AFF3: variants seen among roughly 807,000 people sequenced by gnomAD.
AFF3 encodes AF4/FMR2 family member 3.
AFF3 carries 32 observed loss-of-function variants against 129.7 expected under a neutral mutation model. The observed-to-expected ratio is 0.25, with a 90% confidence interval of 0.19 to 0.33. AFF3 has a LOEUF of 0.33. Among genes scored for constraint, AFF3 ranks in the 10% least tolerant of loss-of-function variants. The pLI is 1.00. For missense variants in AFF3, 1,373 were observed against 1,592.0 expected, an observed-to-expected ratio of 0.86 and a Z score of 2.34; for synonymous variants, 644 against 635.4, an observed-to-expected ratio of 1.01 and a Z score of -0.20.
chr2:99,890,244 C>G (rs1209367581), intron 7 of AFF3, among the ~76,000 whole-genome samples: 1 of 152,144 alleles, frequency 6.6e-6, no homozygotes, highest in Non-Finnish European at 1.5e-5. Flanking sequence ...GAGGCAGCAG[C>G]AAGGGAAATG....
intron 7 of AFF3, among the ~76,000 whole-genome samples, chr2:99,924,356 C>T (rs1696075490): frequency 6.6e-6 from 1 of 152,202 alleles, no homozygotes; most frequent in South Asian, 2.1e-4. Context: ...CCATCAGCTC[C>T]TTTGAGCTGT....
chr2:99,634,931 G>A (rs1246401199), intron 13 of AFF3, among the ~76,000 whole-genome samples: 2 of 149,696 alleles, frequency 1.3e-5, no homozygotes, highest in East Asian at 2.0e-4. Flanking sequence ...CTTGTGCTGT[G>A]AGCACGACTT....
chr2:99,703,302 C>T (rs1003564915), intron 11 of AFF3, among the ~76,000 whole-genome samples: 2 of 152,160 alleles, frequency 1.3e-5, no homozygotes, highest in Admixed American at 6.5e-5. Context: ...CTGCAAAGTT[C>T]CTTCTGCCAC....
At chr2:100,052,863 G>C (rs1364563049) in intron 4 of AFF3, among the ~76,000 whole-genome samples, 1 of 152,204 alleles carries the variant, frequency 6.6e-6, no homozygotes, top group Admixed American at 6.5e-5. Context: ...GTACGAGCTT[G>C]AGCATGCGCA....
chr2:99,893,894 C>T (rs961056789), intron 7 of AFF3, among the ~76,000 whole-genome samples: 5 of 152,128 alleles, frequency 3.3e-5, no homozygotes, highest in African/African-American at 1.2e-4. Context: ...GTTTACATCC[C>T]GTTCTGCCAC....
intron 7 of AFF3, among the ~76,000 whole-genome samples, chr2:99,894,332 T>C (rs896604782): frequency 8.6e-5 from 13 of 150,914 alleles, no homozygotes; most frequent in Non-Finnish European, 1.9e-4. Flanking sequence ...GGGTTGAATG[T>C]TGAGGGAAGG....
At chr2:100,086,969 A>G (rs1464430756) in intron 4 of AFF3, among the ~76,000 whole-genome samples, 5 of 152,226 alleles carry the variant, frequency 3.3e-5, no homozygotes, top group Non-Finnish European at 7.3e-5. Context: ...GTAAAAACCT[A>G]CCCCACAGTG....
chr2:99,702,049 C>G (rs1217483035), intron 11 of AFF3, among the ~76,000 whole-genome samples: 3 of 152,172 alleles, frequency 2.0e-5, no homozygotes, highest in Non-Finnish European at 4.4e-5. Flanking sequence ...GTTTCTGGTT[C>G]TTGGCTATTG....
intron 7 of AFF3, among the ~76,000 whole-genome samples, chr2:99,992,315 A>G (rs1559038943): frequency 6.6e-6 from 1 of 152,218 alleles, no homozygotes; most frequent in Non-Finnish European, 1.5e-5. Context: ...GTCACCAGAG[A>G]AATCACAGCT....
At chr2:99,998,881 G>C (rs1681114340) in intron 7 of AFF3, among the ~76,000 whole-genome samples, 1 of 152,142 alleles carries the variant, frequency 6.6e-6, no homozygotes, top group African/African-American at 2.4e-5. Flanking sequence ...GTGTTTCTAA[G>C]AACTCTGCAT....
chr2:100,068,504 T>G (rs1450592172), intron 4 of AFF3, among the ~76,000 whole-genome samples: 1 of 152,154 alleles, frequency 6.6e-6, no homozygotes, highest in Non-Finnish European at 1.5e-5. Flanking sequence ...TAGGAAAGCC[T>G]CAGTTGGAAG....
intron 7 of AFF3, among the ~76,000 whole-genome samples, chr2:99,966,455 C>T (rs1215663992): frequency 6.6e-6 from 1 of 151,708 alleles, no homozygotes; most frequent in Non-Finnish European, 1.5e-5. Flanking sequence ...CTTTGGGAGG[C>T]CGAGGCGGGC....
At chr2:99,949,888 G>A (rs1006873546) in intron 7 of AFF3, among the ~76,000 whole-genome samples, 1 of 152,168 alleles carries the variant, frequency 6.6e-6, no homozygotes, top group East Asian at 1.9e-4. Context: ...AGGGAAATAT[G>A]TGGATTCCAT....
At chr2:99,806,384 A>T (rs765158904) in intron 8 of AFF3, among the ~76,000 whole-genome samples, 1 of 152,222 alleles carries the variant, frequency 6.6e-6, no homozygotes, top group Non-Finnish European at 1.5e-5. Context: ...TTCCAGGAAA[A>T]GGGCAGACAC....
At chr2:99,974,682 G>A (rs1678707222) in intron 7 of AFF3, among the ~76,000 whole-genome samples, 2 of 152,190 alleles carry the variant, frequency 1.3e-5, no homozygotes, top group Non-Finnish European at 2.9e-5. Flanking sequence ...GCAGTGAAGG[G>A]TCTCTTCTGA....
At chr2:99,870,437 T>C (rs112852519) in intron 7 of AFF3, among the ~76,000 whole-genome samples, 2 of 152,328 alleles carry the variant, frequency 1.3e-5, no homozygotes, top group Non-Finnish European at 2.9e-5. Context: ...CCCTCTTCCA[T>C]CATGTGTGAA....
At chr2:100,077,497 C>T (rs1688674727) in intron 4 of AFF3, among the ~76,000 whole-genome samples, 1 of 152,092 alleles carries the variant, frequency 6.6e-6, no homozygotes, top group Non-Finnish European at 1.5e-5. Flanking sequence ...CTGCCAACAC[C>T]TTGATGTTAG....
intron 12 of AFF3, among the ~76,000 whole-genome samples, chr2:99,663,791 C>T (rs1441961293): frequency 6.6e-6 from 1 of 152,178 alleles, no homozygotes; most frequent in African/African-American, 2.4e-5. Context: ...AATTTAGATC[C>T]CTGGTCCCTT....
intron 4 of AFF3, among the ~76,000 whole-genome samples, chr2:100,103,077 T>C (rs556125963): frequency 4.9e-4 from 74 of 152,204 alleles, no homozygotes; most frequent in African/African-American, 1.8e-3. Context: ...TTACTCATCA[T>C]AGGATCTTTT....
Sources: gnomAD v4.1 joint callset for allele counts (sites outside exome capture counted in the v4.1 genomes callset) on GRCh38, gnomAD v4.1.1 for gene constraint, MANE v1.5 for transcripts, NCBI Gene and HGNC (gene_info 2026-07-23, HGNC 2026-07-21) for gene names.